The following USP26 variants were observed in gnomAD, a reference collection of about 807,000 sequenced individuals.
USP26 encodes the protein ubiquitin carboxyl-terminal hydrolase 26.
For synonymous variants in USP26, 236 were observed against 240.6 expected (o/e 0.98, Z 0.18); for missense variants, 649 against 642.3 (o/e 1.01, Z -0.11).
rs779417233 is a variant in USP26 at position 133,031,761 on chromosome X, G to A, written c.-76-3465C>T. Among the ~76,000 whole-genome samples the A allele has an allele frequency of 4.5e-5, 5 of 111,983 alleles. No homozygotes were observed. The South Asian group carries it at 1.1e-3, about 25-fold the overall frequency. Reference sequence around the variant, plus strand: ...AAAACCCCACAAAATCCATGCTCTCGAAAAATTTTAATTCTAGCAGGGGGA... The same window carrying A: ...AAAACCCCACAAAATCCATGCTCTCAAAAAATTTTAATTCTAGCAGGGGGA... On this transcript the variant is annotated intron_variant, in intron 5 of 5. Transcript: ENST00000511190.
In USP26 at chrX:133,028,252, C is replaced by T. The variant is rs372507133; in HGVS notation, c.-32G>A. 50 of 1,203,225 alleles carry T rather than the reference C, an allele frequency of 4.2e-5. No individual in the cohort carries two copies. Among genetic ancestry groups the T allele is most frequent in the East Asian group, 5.9e-5 (2 of 33,708 alleles). The stretch of plus-strand genomic sequence containing the variant: ...TTTACAAATAAAATATACGTATCTC[C>T]GATTATTGATAATCTTGAAGTTCCA... On this transcript the variant is annotated 5_prime_UTR_variant, in exon 6 of 6. Transcript: ENST00000511190.
chrX:133,072,580 T>C (rs1296269291), intron 5 of USP26, among the ~76,000 whole-genome samples: 1 of 112,433 alleles, frequency 8.9e-6, no homozygotes, highest in Non-Finnish European at 1.9e-5. Flanking sequence ...ATAACACTAT[T>C]ATTTCAAATC....
At position 133,051,214 on chromosome X, in the gene USP26, G is replaced by A. The variant is rs185180926; in HGVS notation, c.-76-22918C>T. Among the ~76,000 whole-genome samples the A allele has an allele frequency of 2.9e-3, 328 of 111,422 alleles. 2 individuals carry two copies. Among genetic ancestry groups the A allele is most frequent in the African/African-American group, 0.01 (312 of 30,680 alleles). On this transcript the variant is annotated intron_variant, in intron 5 of 5. Transcript: ENST00000511190. ...TTGTTGGCCTGATAAAGACAGACAC[G>A]TTTAGAAGGACCCATTTTGCCATTT...
At chrX:133,088,534 T>A (rs1319668100) in intron 4 of USP26, among the ~76,000 whole-genome samples, 3 of 111,185 alleles carry the variant, frequency 2.7e-5, no homozygotes, top group Non-Finnish European at 5.7e-5. Context: ...CACCGCCCAG[T>A]ACCAGTCCAC....
chrX:133,067,676 G>C (rs1229734951), intron 5 of USP26, among the ~76,000 whole-genome samples: 2 of 111,733 alleles, frequency 1.8e-5, no homozygotes, highest in Non-Finnish European at 3.8e-5. Flanking sequence ...TGAACAATGA[G>C]AACACATGGA....
intron 5 of USP26, among the ~76,000 whole-genome samples, chrX:133,064,383 T>C (rs1055678881): frequency 2.7e-5 from 3 of 111,927 alleles, no homozygotes; most frequent in African/African-American, 9.7e-5. Flanking sequence ...GCAGACTTAA[T>C]AGACATCTAC....
At chrX:133,086,257 G>T (rs2067588207) in intron 4 of USP26, among the ~76,000 whole-genome samples, 1 of 112,071 alleles carries the variant, frequency 8.9e-6, no homozygotes, top group Non-Finnish European at 1.9e-5. Flanking sequence ...GAACTGCATG[G>T]TGGTAGGAGA....
chrX:133,024,279 A>AT lies in USP26; in HGVS notation c.*1199_*1200insA, dbSNP rs2067336161. Among the ~76,000 whole-genome samples the AT allele has an allele frequency of 1.0e-5, 1 of 96,154 alleles. No individual in the cohort carries two copies. Among genetic ancestry groups the AT allele is most frequent in the East Asian group, 3.1e-4 (1 of 3,262 alleles). The allele number at this position is 96,154 out of a possible 115,157, so 83.5% of individuals were successfully genotyped here. On this transcript the variant is annotated 3_prime_UTR_variant, in exon 6 of 6. Transcript: ENST00000511190. ...ACCACACTATAAGGTACAGAGATGT[A>AT]AAAAAAAAAAAAAAATCTGGAATTA... is the stretch of plus-strand genomic sequence containing the variant.
intron 5 of USP26, among the ~76,000 whole-genome samples, chrX:133,040,022 T>C (rs1435807899): frequency 9.0e-6 from 1 of 111,644 alleles, no homozygotes; most frequent in Non-Finnish European, 1.9e-5. Flanking sequence ...ACTCCTGCTT[T>C]TTTTTGCTTT....
intron 5 of USP26, among the ~76,000 whole-genome samples, chrX:133,079,006 A>T (rs186467429): frequency 8.9e-6 from 1 of 112,082 alleles, no homozygotes. Context: ...CAGCAAACAG[A>T]CATTCAGCAG....
chrX:133,054,431 G>A (rs1395756890), intron 5 of USP26, among the ~76,000 whole-genome samples: 1 of 111,609 alleles, frequency 9.0e-6, no homozygotes, highest in East Asian at 2.8e-4. Context: ...TTACAGCACT[G>A]AGCATTCAAG....
intron 5 of USP26, among the ~76,000 whole-genome samples, chrX:133,036,090 C>T (rs1377282161): frequency 9.3e-6 from 1 of 107,357 alleles, no homozygotes; most frequent in Non-Finnish European, 1.9e-5. Flanking sequence ...GCACTCCAGC[C>T]TGGGTGACAG....
intron 5 of USP26, among the ~76,000 whole-genome samples, chrX:133,037,070 A>G (rs2067398678): frequency 8.9e-6 from 1 of 112,088 alleles, no homozygotes; most frequent in Non-Finnish European, 1.9e-5. Context: ...GATTCTGGAT[A>G]TTAGACTTTT....
At chrX:133,071,255 G>C (rs966354521) in intron 5 of USP26, among the ~76,000 whole-genome samples, 1 of 110,139 alleles carries the variant, frequency 9.1e-6, no homozygotes, top group Non-Finnish European at 1.9e-5. Context: ...AAATGGTACT[G>C]GATAAAAACT....
chrX:133,036,376 C>T (rs1341354148), intron 5 of USP26, among the ~76,000 whole-genome samples: 4 of 110,357 alleles, frequency 3.6e-5, no homozygotes, highest in African/African-American at 1.3e-4. Flanking sequence ...CTCCCTGTGT[C>T]CATGTGTTCA....
intron 4 of USP26, among the ~76,000 whole-genome samples, chrX:133,084,615 G>A (rs1207313698): frequency 9.3e-6 from 1 of 107,688 alleles, no homozygotes; most frequent in Non-Finnish European, 1.9e-5. Context: ...CCAGGTTCAA[G>A]CGATTCTCCT....
At chrX:133,036,951 C>T (rs1050840149) in intron 5 of USP26, among the ~76,000 whole-genome samples, 5 of 112,430 alleles carry the variant, frequency 4.4e-5, no homozygotes, top group African/African-American at 1.3e-4. Context: ...TTTATTCATA[C>T]GTTTGTTGGC....
At position 133,027,430 on chromosome X, in the gene USP26, A is replaced by C; in HGVS notation, c.791T>G (p.Leu264Trp). ...LLQALTEKMV[L>W]VFLLQQGYSD... ...ATACCCTTGTTGTAACAGAAATACC[A>C]AAACCATTTTCTCAGTGAGAGCTTG... is the stretch of plus-strand genomic sequence containing the variant. Residue 264 changes from leucine to tryptophan, a missense_variant, in exon 6 of 6, where the codon TTG (leucine) becomes TGG (tryptophan). By Grantham distance (61) the Leu-to-Trp change is moderately conservative. Transcript: ENST00000511190. 4 of 1,211,470 alleles carry C rather than the reference A, an allele frequency of 3.3e-6. No individual in the cohort carries two copies. The highest frequency in any genetic ancestry group is 4.5e-6 in the Non-Finnish European group (4 of 895,106).
intron 5 of USP26, among the ~76,000 whole-genome samples, chrX:133,030,221 T>G (rs1340062036): frequency 1.8e-5 from 2 of 111,473 alleles, no homozygotes; most frequent in Non-Finnish European, 3.8e-5. Flanking sequence ...TCAATTTGAT[T>G]GATCAACCAC....
Sources: allele counts gnomAD v4.1 joint callset (sites outside exome capture counted in the v4.1 genomes callset), GRCh38; gene constraint gnomAD v4.1.1; transcripts MANE v1.5; gene names NCBI Gene and HGNC (gene_info 2026-07-23, HGNC 2026-07-21).